DENND11: variants seen among roughly 807,000 people sequenced by gnomAD.
DENND11 encodes DENN domain containing 11, also known as DENN domain-containing protein 11.
A neutral mutation model predicts 49.2 loss-of-function variants in DENND11; 34 were observed. The ratio of observed to expected loss-of-function variants is 0.69; its 90% CI spans 0.53 to 0.92. DENND11 has a LOEUF of 0.92. Among genes scored for constraint, DENND11 ranks in the 40% least tolerant of loss-of-function variants. DENND11 has a pLI of 0.00. For synonymous variants in DENND11, 238 were observed against 230.3 expected, an observed-to-expected ratio of 1.03 and a Z score of -0.30; for missense variants, 475 against 581.6, an observed-to-expected ratio of 0.82 and a Z score of 1.88.
rs565413065 is a variant in DENND11, at chr7:141,682,864, C to CT, written c.527+2613dup. Reference sequence around the variant, plus strand: ...CTGTATTGCCTACTTGGAGAATTAGCTTTTTAAAAGGAATAATATTGTTTT... The same window carrying CT: ...CTGTATTGCCTACTTGGAGAATTAGCTTTTTTAAAAGGAATAATATTGTTTT... On this transcript the variant is annotated intron_variant, in intron 3 of 8. Transcript: ENST00000536163. Among the ~76,000 whole-genome samples the CT allele has an allele frequency of 1.9e-4, 29 of 151,172 alleles. 1 individual carries two copies. Among genetic ancestry groups the CT allele is most frequent in the South Asian group, 1.3e-3 (6 of 4,794 alleles).
intron 4 of DENND11, among the ~76,000 whole-genome samples, chr7:141,669,915 A>C (rs1797953893): frequency 7.0e-6 from 1 of 143,446 alleles, no homozygotes; most frequent in Admixed American, 7.4e-5. Context: ...GGTTCACGCC[A>C]TTCTCCTGCC....
rs1182247474 is a variant in DENND11, at chr7:141,659,336, T to G, written c.*3320A>C. On this transcript the variant is annotated 3_prime_UTR_variant, in exon 9 of 9. Transcript: ENST00000536163. ...TCTACCAGGCATAGGGAATGGTTCGTGTTTAAAGGCCAAGCAAATTCTAAA... is the reference window on the plus strand; with the variant it reads ...TCTACCAGGCATAGGGAATGGTTCGGGTTTAAAGGCCAAGCAAATTCTAAA... The G allele has an allele frequency of 6.6e-6, 1 of 152,238 alleles. No individual in the cohort carries two copies. The highest frequency in any genetic ancestry group is 1.5e-5 in the Non-Finnish European group (1 of 68,046). The allele number at this position is 152,238 out of a possible 1,614,324, so 9.4% of individuals were successfully genotyped here.
chr7:141,667,807 C>T (rs1391537303), intron 4 of DENND11, among the ~76,000 whole-genome samples: 1 of 152,192 alleles, frequency 6.6e-6, no homozygotes, highest in Non-Finnish European at 1.5e-5. Flanking sequence ...GAGAGGATTT[C>T]CCTTTCCAAG....
At chr7:141,693,141 C>T (rs188633247) in intron 1 of DENND11, among the ~76,000 whole-genome samples, 283 of 152,204 alleles carry the variant, frequency 1.9e-3, no homozygotes, top group Non-Finnish European at 3.0e-3. Flanking sequence ...CTAAAATATA[C>T]GAAGAATTCA....
intron 1 of DENND11, among the ~76,000 whole-genome samples, chr7:141,688,474 T>A (rs1340157134): frequency 6.6e-6 from 1 of 152,218 alleles, no homozygotes; most frequent in Non-Finnish European, 1.5e-5. Flanking sequence ...GGAATTATGA[T>A]TCTGATCATT....
rs898105701 is a variant in DENND11, at chr7:141,701,750, G to A, written c.268+136C>T. On this transcript the variant is annotated intron_variant, in intron 1 of 8. Coordinates refer to ENST00000536163, the MANE Select transcript of DENND11 (RefSeq NM_001080392.2). ...GACCCCCGCCCTTCCCCAAGCCCGG[G>A]AGCCCGGGGCCGGCCCTGGTGCGGG... 2.2e-5 allele frequency: 16 copies of A among 730,952 alleles called. No individual in the cohort carries two copies. In the Admixed American group the frequency reaches 5.7e-4, roughly 26 times the overall value. 45.3% of individuals were successfully genotyped at this position (730,952 alleles called of 1,614,324 possible). A position where few individuals can be genotyped will look rare whatever the true frequency, so the allele number is the denominator to read the frequency against.
rs148239493 is a variant in DENND11, at chr7:141,658,948, A to G, written c.*3708T>C. The G allele has an allele frequency of 6.5e-6, 1 of 152,688 alleles. No individual in the cohort carries two copies. The highest frequency in any genetic ancestry group is 1.9e-4 in the East Asian group (1 of 5,172). The allele number at this position is 152,688 out of a possible 1,614,324, so 9.5% of individuals were successfully genotyped here. A position where few individuals can be genotyped will look rare whatever the true frequency, so the allele number is the denominator to read the frequency against. On this transcript the variant is annotated 3_prime_UTR_variant, in exon 9 of 9. Coordinates refer to ENST00000536163, the MANE Select transcript of DENND11 (RefSeq NM_001080392.2). ...GCAAATTCATCCTCATAGCCACCAG[A>G]AGGAAAAACAATGATTTAGCTAAGA...
rs141877772 is a variant in DENND11, at chr7:141,685,863, G to A, written c.369-227C>T. The stretch of plus-strand genomic sequence containing the variant: ...GGACTTAGTCCGTGGCAAGCCTGCC[G>A]CTCAGCTGCCCACAATCATGGACAC... On this transcript the variant is annotated intron_variant, in intron 2 of 8. Coordinates refer to ENST00000536163, the MANE Select transcript of DENND11 (RefSeq NM_001080392.2). 3.3e-5 allele frequency among the ~76,000 whole-genome samples: 5 copies of A among 152,254 alleles called. No homozygotes were observed. In the East Asian group the frequency reaches 9.7e-4, roughly 29 times the overall value.
At chr7:141,701,799 C>G (rs1468023910) in intron 1 of DENND11, 87 bp downstream of exon 1, 1 of 1,054,480 alleles carries the variant, frequency 9.5e-7, no homozygotes, top group Non-Finnish European at 1.2e-6. Flanking sequence ...AGGGCAGGTG[C>G]GCGCGCAGCG....
chr7:141,676,853 T>C (rs967542347), intron 3 of DENND11, among the ~76,000 whole-genome samples: 1 of 152,122 alleles, frequency 6.6e-6, no homozygotes, highest in Admixed American at 6.6e-5. Flanking sequence ...AAACCACCTA[T>C]GGAAACTGTC....
intron 1 of DENND11, among the ~76,000 whole-genome samples, chr7:141,692,649 A>G (rs948736721): frequency 1.3e-5 from 2 of 152,094 alleles, no homozygotes; most frequent in Non-Finnish European, 2.9e-5. Flanking sequence ...TAGCTAGCCT[A>G]GGCAACATAG....
intron 3 of DENND11, among the ~76,000 whole-genome samples, chr7:141,677,233 C>G (rs1467353188): frequency 1.3e-5 from 2 of 151,860 alleles, no homozygotes; most frequent in East Asian, 3.9e-4. Context: ...CGAGACCAGC[C>G]TGGCCAACAT....
In DENND11 at chr7:141,661,058, C is replaced by T. The variant is rs1797784933; in HGVS notation, c.*1598G>A. On this transcript the variant is annotated 3_prime_UTR_variant, in exon 9 of 9. Coordinates refer to ENST00000536163, the MANE Select transcript of DENND11 (RefSeq NM_001080392.2). ...CCATATGAAGGAGCTACAGTGAAAACACTTTTGAATAAAGCAGTGAACCCT... is the reference window on the plus strand; with the variant it reads ...CCATATGAAGGAGCTACAGTGAAAATACTTTTGAATAAAGCAGTGAACCCT... The T allele has an allele frequency of 1.3e-5, 2 of 152,154 alleles. No individual in the cohort carries two copies. Among genetic ancestry groups the T allele is most frequent in the Admixed American group, 1.3e-4 (2 of 15,274 alleles). The allele number at this position is 152,154 out of a possible 1,614,324, so 9.4% of individuals were successfully genotyped here. A position where few individuals can be genotyped will look rare whatever the true frequency, so the allele number is the denominator to read the frequency against.
chr7:141,674,540 G>A (rs922106018), intron 3 of DENND11, among the ~76,000 whole-genome samples: 3 of 152,118 alleles, frequency 2.0e-5, no homozygotes, highest in East Asian at 1.9e-4. Context: ...AAGGTACGCC[G>A]GAGACTGGGT....
chr7:141,672,199 T>C (rs1030925029), intron 4 of DENND11, among the ~76,000 whole-genome samples: 4 of 152,218 alleles, frequency 2.6e-5, no homozygotes, highest in African/African-American at 9.6e-5. Context: ...ATTCTGCTTC[T>C]CTTGCTTTGT....
intron 4 of DENND11, among the ~76,000 whole-genome samples, chr7:141,666,797 GCAAA>G (rs1797902846): frequency 6.6e-6 from 1 of 152,222 alleles, no homozygotes; most frequent in African/African-American, 2.4e-5. Context: ...AACATGATGA[GCAAA>G]CAGTCCCCAG....
chr7:141,668,308 C>T (rs1182788075), intron 4 of DENND11, among the ~76,000 whole-genome samples: 3 of 151,876 alleles, frequency 2.0e-5, no homozygotes, highest in Non-Finnish European at 4.4e-5. Context: ...AATCTGAGGC[C>T]GGGTGCTGTG....
chr7:141,677,102 T>C lies in DENND11; in HGVS notation c.528-2882A>G, dbSNP rs370187563. On this transcript the variant is annotated intron_variant, in intron 3 of 8. Transcript: ENST00000536163. Reference sequence around the variant, plus strand: ...AATCAGAGATGCCTTTGTGCGACAATTACACTTCATCACTCTGGTGTGTTA... The same window carrying C: ...AATCAGAGATGCCTTTGTGCGACAACTACACTTCATCACTCTGGTGTGTTA... 2.0e-3 allele frequency among the ~76,000 whole-genome samples: 302 copies of C among 152,194 alleles called. 1 individual carries two copies. The highest frequency in any genetic ancestry group is 6.8e-3 in the African/African-American group (282 of 41,504).
intron 3 of DENND11, among the ~76,000 whole-genome samples, chr7:141,676,708 C>T (rs1369987463): frequency 1.3e-5 from 2 of 152,074 alleles, no homozygotes; most frequent in Non-Finnish European, 2.9e-5. Flanking sequence ...CAAGAAAAAC[C>T]AAAAAGTACT....
Sources: allele counts gnomAD v4.1 joint callset (sites outside exome capture counted in the v4.1 genomes callset), GRCh38; gene constraint gnomAD v4.1.1; transcripts MANE v1.5; gene names NCBI Gene and HGNC (gene_info 2026-07-23, HGNC 2026-07-21).